SLC44A5: variants seen among roughly 807,000 people sequenced by gnomAD.
SLC44A5 encodes the protein choline transporter-like protein 5.
Under a neutral mutation model 101.8 loss-of-function variants are expected in SLC44A5, and 57 were observed. That is an observed-to-expected ratio of 0.56 (90% CI 0.45 to 0.70). SLC44A5 has a LOEUF of 0.70. SLC44A5 is among the 30% of genes least tolerant of loss of function. SLC44A5 has a pLI of 0.00. For synonymous variants in SLC44A5, 281 were observed against 290.9 expected (o/e 0.97, Z 0.35); for missense variants, 737 against 853.1 (o/e 0.86, Z 1.70).
chr1:75,699,712 C>G, the SLC44A5 span, among the ~76,000 whole-genome samples: 1 of 151,890 alleles, frequency 6.6e-6, no homozygotes, highest in Non-Finnish European at 1.5e-5. Context: ...CACAGACTGG[C>G]AAATTGGATA....
intron 2 of SLC44A5, among the ~76,000 whole-genome samples, chr1:75,432,779 T>C (rs1424766326): frequency 5.3e-5 from 8 of 152,136 alleles, no homozygotes; most frequent in African/African-American, 1.7e-4. Flanking sequence ...CGAGGGTCCA[T>C]TCCAAAGAAA....
At chr1:75,682,010 T>G in the SLC44A5 span, among the ~76,000 whole-genome samples, 1 of 152,104 alleles carries the variant, frequency 6.6e-6, no homozygotes, top group Non-Finnish European at 1.5e-5. Context: ...CATAATTGCT[T>G]CAAAGAGAAT....
At chr1:75,425,882 C>T (rs111967901) in intron 2 of SLC44A5, among the ~76,000 whole-genome samples, 131 of 152,282 alleles carry the variant, frequency 8.6e-4, no homozygotes, top group African/African-American at 3.0e-3. Context: ...ACAATCCAGC[C>T]CTCCCTTCCT....
At chr1:75,393,724 ACTGTAATTATAAACAGATTTG>A (rs1661946075) in intron 3 of SLC44A5, among the ~76,000 whole-genome samples, 1 of 152,190 alleles carries the variant, frequency 6.6e-6, no homozygotes, top group Non-Finnish European at 1.5e-5. Context: ...GAAAATAGGA[ACTGTAATTATAAACAGATTTG>A]TCTGATTATT....
intron 2 of SLC44A5, among the ~76,000 whole-genome samples, chr1:75,467,596 C>T (rs980755891): frequency 2.0e-5 from 3 of 152,066 alleles, no homozygotes; most frequent in Admixed American, 6.5e-5. Context: ...ACAGTCTCTT[C>T]GATAAATGAT....
intron 2 of SLC44A5, among the ~76,000 whole-genome samples, chr1:75,502,718 CAACAG>C (rs1224720032): frequency 4.1e-5 from 6 of 146,042 alleles, no homozygotes; most frequent in Non-Finnish European, 9.0e-5. Context: ...CCCTACTCCA[CAACAG>C]TACCCACTTT....
chr1:75,703,833 A>G, the SLC44A5 span, among the ~76,000 whole-genome samples: 1 of 152,000 alleles, frequency 6.6e-6, no homozygotes, highest in Non-Finnish European at 1.5e-5. Context: ...ATACAAAGCT[A>G]TAGTGTAGTA....
rs943457091 is a variant in SLC44A5 at position 75,588,521 on chromosome 1, G to A, written c.-70+22519C>T. ...ATTGGAACACATATCTGCCCGATCCGAAAGTTCGGAAAAAAAAAGAAAATG... is the reference window on the plus strand; with the variant it reads ...ATTGGAACACATATCTGCCCGATCCAAAAGTTCGGAAAAAAAAAGAAAATG... On this transcript the variant is annotated intron_variant, in intron 1 of 23. Coordinates refer to ENST00000370859, the MANE Select transcript of SLC44A5 (RefSeq NM_001130058.2). 3.3e-5 allele frequency among the ~76,000 whole-genome samples: 5 copies of A among 151,902 alleles called. No homozygotes were observed. In the East Asian group the frequency reaches 9.7e-4, roughly 29 times the overall value.
At chr1:75,226,875 C>G (rs1647208854) in intron 13 of SLC44A5, among the ~76,000 whole-genome samples, 1 of 152,034 alleles carries the variant, frequency 6.6e-6, no homozygotes, top group Non-Finnish European at 1.5e-5. Flanking sequence ...AATTTTGTTA[C>G]ATTTAAATAA....
At chr1:75,471,554 A>G (rs1667113782) in intron 2 of SLC44A5, among the ~76,000 whole-genome samples, 1 of 152,112 alleles carries the variant, frequency 6.6e-6, no homozygotes, top group Admixed American at 6.5e-5. Flanking sequence ...CCATGCCCTC[A>G]ATCAAGCAAA....
At chr1:75,398,981 G>T (rs1662305315) in intron 2 of SLC44A5, among the ~76,000 whole-genome samples, 1 of 151,754 alleles carries the variant, frequency 6.6e-6, no homozygotes, top group Non-Finnish European at 1.5e-5. Flanking sequence ...TTCAGACTAG[G>T]AGCCAAAAGA....
At chr1:75,514,832 T>C (rs1026632086) in intron 2 of SLC44A5, among the ~76,000 whole-genome samples, 8 of 152,174 alleles carry the variant, frequency 5.3e-5, no homozygotes, top group Admixed American at 5.2e-4. Flanking sequence ...AAATATGATG[T>C]TTTGCTACAG....
At chr1:75,406,111 G>A (rs937882821) in intron 2 of SLC44A5, among the ~76,000 whole-genome samples, 1 of 152,134 alleles carries the variant, frequency 6.6e-6, no homozygotes, top group African/African-American at 2.4e-5. Context: ...AGAAAATCCA[G>A]AAGAAATGGA....
chr1:75,365,332 C>G (rs975795733), intron 3 of SLC44A5, among the ~76,000 whole-genome samples: 1 of 152,148 alleles, frequency 6.6e-6, no homozygotes, highest in Non-Finnish European at 1.5e-5. Context: ...ACCCTCTGCC[C>G]TCTGGTAGGC....
intron 2 of SLC44A5, among the ~76,000 whole-genome samples, chr1:75,486,746 C>T (rs1668172963): frequency 6.6e-6 from 1 of 152,200 alleles, no homozygotes; most frequent in African/African-American, 2.4e-5. Flanking sequence ...TCTTTGACTC[C>T]ATGCCTCACA....
intron 2 of SLC44A5, among the ~76,000 whole-genome samples, chr1:75,406,415 A>G (rs1662869918): frequency 6.6e-6 from 1 of 152,222 alleles, no homozygotes; most frequent in Non-Finnish European, 1.5e-5. Flanking sequence ...ACAGAAAAAG[A>G]AAATTTCAGG....
At chr1:75,570,587 T>C (rs567172734) in intron 1 of SLC44A5, among the ~76,000 whole-genome samples, 1 of 152,236 alleles carries the variant, frequency 6.6e-6, no homozygotes, top group South Asian at 2.1e-4. Context: ...ATTTTTGCAG[T>C]TTTTGTGGTT....
At chr1:75,428,116 C>T (rs547796620) in intron 2 of SLC44A5, among the ~76,000 whole-genome samples, 3 of 152,264 alleles carry the variant, frequency 2.0e-5, no homozygotes, top group South Asian at 2.1e-4. Flanking sequence ...TCCTTTGCTG[C>T]CCTGAGATGG....
Position 75,356,938 on chromosome 1 carries a change from T to C in SLC44A5, c.53-17308A>G, listed in dbSNP as rs138440169. ...GATTATACCATATGGCCTAGGTGTG[T>C]AGTAGGCTATACCATCTAGATTTGT... is the stretch of plus-strand genomic sequence containing the variant. On this transcript the variant is annotated intron_variant, in intron 3 of 23. Transcript: ENST00000370859. 1.6e-3 allele frequency among the ~76,000 whole-genome samples: 246 copies of C among 152,316 alleles called. 1 individual carries two copies. Among genetic ancestry groups the C allele is most frequent in the African/African-American group, 5.5e-3 (228 of 41,572 alleles).
Sources: gnomAD v4.1 joint callset for allele counts (sites outside exome capture counted in the v4.1 genomes callset) on GRCh38, gnomAD v4.1.1 for gene constraint, MANE v1.5 for transcripts, NCBI Gene and HGNC (gene_info 2026-07-23, HGNC 2026-07-21) for gene names.